The following IPO7 variants were observed in gnomAD, a reference collection of about 807,000 sequenced individuals.
IPO7 encodes the protein importin-7.
A neutral mutation model predicts 136.4 loss-of-function variants in IPO7; 13 were observed. The ratio of observed to expected loss-of-function variants is 0.10; its 90% CI spans 0.06 to 0.15. The LOEUF (loss-of-function observed/expected upper bound fraction) is 0.15, where lower values mean the gene tolerates loss of function less well. Among genes scored for constraint, IPO7 ranks in the 10% least tolerant of loss-of-function variants. The pLI, the probability that IPO7 is intolerant of heterozygous loss-of-function variation, is 1.00. For missense variants in IPO7, 857 were observed against 1,240.6 expected, an observed-to-expected ratio of 0.69 and a Z score of 4.65; for synonymous variants, 403 against 404.4, an observed-to-expected ratio of 1.00 and a Z score of 0.04.
intron 1 of IPO7, among the ~76,000 whole-genome samples, chr11:9,401,479 T>G (rs998157442): frequency 6.6e-6 from 1 of 151,056 alleles, no homozygotes; most frequent in African/African-American, 2.4e-5. Flanking sequence ...CTCCTGAGCC[T>G]AGCTCAGCAG....
chr11:9,440,399 T>C, intron 22 of IPO7, 56 bp from the exon 23 acceptor site: 1 of 1,383,736 alleles, frequency 7.2e-7, no homozygotes, highest in Non-Finnish European at 1.0e-6. Flanking sequence ...ATTGTCAATT[T>C]GTTGAGTAAC....
At chr11:9,424,495 A>G (rs1175676539) in intron 10 of IPO7, among the ~76,000 whole-genome samples, 1 of 152,166 alleles carries the variant, frequency 6.6e-6, no homozygotes, top group Non-Finnish European at 1.5e-5. Context: ...GTAAATCCCA[A>G]CGTGTTGGGA....
At chr11:9,419,751 T>C (rs1441231935) in intron 6 of IPO7, among the ~76,000 whole-genome samples, 1 of 151,654 alleles carries the variant, frequency 6.6e-6, no homozygotes, top group Non-Finnish European at 1.5e-5. Flanking sequence ...AATATTCTCA[T>C]ACACAAATCG....
At chr11:9,440,370 A>G in intron 22 of IPO7, 85 bp from the exon 23 acceptor site, 3 of 1,055,838 alleles carry the variant, frequency 2.8e-6, no homozygotes, top group Non-Finnish European at 4.4e-6. Flanking sequence ...CTTGTAATTT[A>G]CTGACAGTGA....
intron 22 of IPO7, among the ~76,000 whole-genome samples, chr11:9,438,932 A>C (rs1036969219): frequency 7.7e-6 from 1 of 129,948 alleles, no homozygotes; most frequent in Non-Finnish European, 1.8e-5. Context: ...AATTATGTAT[A>C]TAATAATAGA....
intron 10 of IPO7, among the ~76,000 whole-genome samples, chr11:9,424,330 T>C (rs534160067): frequency 1.3e-5 from 2 of 152,330 alleles, no homozygotes; most frequent in South Asian, 4.1e-4. Flanking sequence ...CTTGTACTTT[T>C]GTGACCCTGT....
At chr11:9,423,929 A>G in intron 10 of IPO7, 53 bp downstream of exon 10, 1 of 1,082,230 alleles carries the variant, frequency 9.2e-7, no homozygotes, top group Non-Finnish European at 1.4e-6. Flanking sequence ...TTAAGATTAC[A>G]GTGATTGCAT....
chr11:9,435,387 G>A (rs1855355174), intron 19 of IPO7, among the ~76,000 whole-genome samples: 1 of 152,196 alleles, frequency 6.6e-6, no homozygotes, highest in South Asian at 2.1e-4. Context: ...GCAGCTATAG[G>A]TTTACAACAA....
At chr11:9,421,628 A>G (rs79183647) in intron 8 of IPO7, among the ~76,000 whole-genome samples, 19 of 144,244 alleles carry the variant, frequency 1.3e-4, no homozygotes, top group Non-Finnish European at 2.1e-4. Context: ...ACTCCATCTC[A>G]AAAAAAAAAA....
chr11:9,408,704 G>GT (rs377057603), intron 3 of IPO7, 65 bp downstream of exon 3: 11,407 of 172,652 alleles, frequency 0.066, 695 homozygotes, highest in East Asian at 0.14. Flanking sequence ...TTGTTTTTTG[G>GT]TTTTTTTTTT....
intron 4 of IPO7, 140 bp from the exon 5 acceptor site, chr11:9,414,115 G>T: frequency 5.2e-6 from 3 of 580,508 alleles, no homozygotes; most frequent in African/African-American, 1.9e-5. Flanking sequence ...CCTTTTTATG[G>T]TTTTGTTCTA....
chr11:9,415,870 G>T (rs971605644), intron 5 of IPO7, among the ~76,000 whole-genome samples: 3 of 151,978 alleles, frequency 2.0e-5, no homozygotes, highest in African/African-American at 7.2e-5. Flanking sequence ...AAAAGAAATG[G>T]TTGGGTCAGT....
At chr11:9,386,140 G>A (rs180844313) in intron 1 of IPO7, among the ~76,000 whole-genome samples, 62 of 152,290 alleles carry the variant, frequency 4.1e-4, no homozygotes, top group African/African-American at 1.3e-3. Flanking sequence ...TGCCCTCACG[G>A]AACTTACAGT....
At chr11:9,400,503 G>C (rs569912121) in intron 1 of IPO7, among the ~76,000 whole-genome samples, 8 of 151,918 alleles carry the variant, frequency 5.3e-5, no homozygotes, top group African/African-American at 1.2e-4. Context: ...CTCACTGCAG[G>C]CTCCGCCCCC....
intron 1 of IPO7, among the ~76,000 whole-genome samples, chr11:9,400,175 T>C (rs1460008853): frequency 6.6e-6 from 1 of 152,240 alleles, no homozygotes; most frequent in African/African-American, 2.4e-5. Flanking sequence ...GTATTATTTT[T>C]ATTGTTGTAT....
chr11:9,397,706 G>A (rs578206756), intron 1 of IPO7, among the ~76,000 whole-genome samples: 60 of 152,070 alleles, frequency 3.9e-4, no homozygotes, highest in African/African-American at 1.4e-3. Flanking sequence ...GGAACTAAAG[G>A]GTAACTTGGC....
At chr11:9,391,102 T>A (rs1390739635) in intron 1 of IPO7, among the ~76,000 whole-genome samples, 5 of 152,070 alleles carry the variant, frequency 3.3e-5, no homozygotes, top group Non-Finnish European at 4.4e-5. Flanking sequence ...AGTTTTTTTT[T>A]AAAGTTCCTA....
At chr11:9,434,311 T>C (rs1352310446) in intron 18 of IPO7, among the ~76,000 whole-genome samples, 1 of 152,168 alleles carries the variant, frequency 6.6e-6, no homozygotes, top group African/African-American at 2.4e-5. Flanking sequence ...ATGCATGATA[T>C]TGATTTCTGC....
chr11:9,435,202 T>C (rs1855353051), intron 19 of IPO7, among the ~76,000 whole-genome samples, 171 bp downstream of exon 19: 1 of 152,220 alleles, frequency 6.6e-6, no homozygotes, highest in Non-Finnish European at 1.5e-5. Flanking sequence ...ACAGTTTTGA[T>C]AAATATATGT....
Sources: gnomAD v4.1 joint callset for allele counts (sites outside exome capture counted in the v4.1 genomes callset) on GRCh38, gnomAD v4.1.1 for gene constraint, MANE v1.5 for transcripts, NCBI Gene and HGNC (gene_info 2026-07-23, HGNC 2026-07-21) for gene names.